The following VPS13C variants were observed in gnomAD, a reference collection of about 807,000 sequenced individuals.
VPS13C encodes vacuolar protein sorting 13 homolog C.
A neutral mutation model predicts 456.8 loss-of-function variants in VPS13C; 358 were observed. That is an observed-to-expected ratio of 0.78 (90% CI 0.72 to 0.86). The LOEUF is 0.86. VPS13C is among the 40% of genes least tolerant of loss of function. The pLI is 0.00. For missense variants in VPS13C, 4,818 were observed against 4,385.4 expected (o/e 1.10, Z -2.79); for synonymous variants, 1,578 against 1,486.7 (o/e 1.06, Z -1.41).
rs771170611 is a variant in VPS13C at position 61,854,476 on chromosome 15, C to A, written c.11243G>T (p.Arg3748Ile). 1.2e-6 allele frequency: 2 copies of A among 1,614,144 alleles called. No individual in the cohort carries two copies. The highest frequency in any genetic ancestry group is 1.7e-6 in the Non-Finnish European group (2 of 1,179,994). Reference protein sequence around the residue: ...LMKQSSVRLLRPQLPS With the variant: ...LMKQSSVRLLIPQLPS ...CTGTGATTAAGATGGCAATTGGGGTCTGAGAAGTCTCACTGATGACTGCTT... is the reference window on the plus strand; with the variant it reads ...CTGTGATTAAGATGGCAATTGGGGTATGAGAAGTCTCACTGATGACTGCTT... The change falls in exon 85 of 85, where the codon AGA becomes ATA. Residue 3748 changes from arginine to isoleucine, a missense_variant. Arg to Ile is a moderately conservative substitution (Grantham distance 97, BLOSUM62 -3). Transcript: ENST00000644861.
chr15:61,973,052 C>G (rs538096634), intron 26 of VPS13C, among the ~76,000 whole-genome samples: 1 of 152,134 alleles, frequency 6.6e-6, no homozygotes, highest in Non-Finnish European at 1.5e-5. Flanking sequence ...TTATCTACCA[C>G]GTATCAGGCT....
intron 3 of VPS13C, among the ~76,000 whole-genome samples, chr15:62,040,204 A>C (rs780381056): frequency 2.0e-5 from 3 of 152,162 alleles, no homozygotes; most frequent in South Asian, 2.1e-4. Context: ...TGGTTACCAG[A>C]AGCTAGGAAG....
At chr15:61,894,169 G>T (rs745449944) in intron 66 of VPS13C, among the ~76,000 whole-genome samples, 6 of 152,008 alleles carry the variant, frequency 3.9e-5, no homozygotes, top group Admixed American at 1.3e-4. Flanking sequence ...TTAGCTAGGC[G>T]TGGTGGCGTA....
At chr15:61,873,471 C>A in intron 77 of VPS13C, 62 bp from the exon 78 acceptor site, 1 of 1,459,248 alleles carries the variant, frequency 6.9e-7, no homozygotes, top group South Asian at 1.3e-5. Context: ...AACTCAACAG[C>A]AAGAAAACAA....
chr15:62,023,598 A>C, intron 7 of VPS13C, 78 bp from the exon 8 acceptor site: 1 of 1,187,652 alleles, frequency 8.4e-7, no homozygotes, highest in Non-Finnish European at 1.2e-6. Flanking sequence ...AAGGATAGCT[A>C]AGGTACTACT....
intron 67 of VPS13C, among the ~76,000 whole-genome samples, chr15:61,886,544 T>C (rs1365666946): frequency 6.6e-6 from 1 of 152,116 alleles, no homozygotes; most frequent in African/African-American, 2.4e-5. Flanking sequence ...ATGCTGTGAT[T>C]TGTAGTGCAC....
At chr15:61,885,876 A>G (rs1896227192) in intron 67 of VPS13C, among the ~76,000 whole-genome samples, 1 of 152,112 alleles carries the variant, frequency 6.6e-6, no homozygotes, top group Non-Finnish European at 1.5e-5. Flanking sequence ...TCCTTTAGTC[A>G]CTTCAGACTC....
chr15:61,947,195 T>C lies in VPS13C; in HGVS notation c.4874A>G (p.His1625Arg), dbSNP rs774240908. Residue 1625 changes from histidine (H) to arginine (R), a missense_variant and splice_region_variant, in exon 43 of 85, where the codon CAT becomes CGT. Around this residue, in one of 3 missense-constraint regions of VPS13C, gnomAD observed 4,552 missense variants for 4,130.6 expected, o/e 1.10. Coordinates refer to ENST00000644861, the MANE Select transcript of VPS13C (RefSeq NM_020821.3). ...QKCNIADIKIHGMDASISVKP... is the reference protein window; with the variant it reads ...QKCNIADIKIRGMDASISVKP... Reference sequence around the variant, plus strand: ...TACAACAAGAAGTAACTACTTACCATGTATTTTAATATCTGCAATGTTACA... The same window carrying C: ...TACAACAAGAAGTAACTACTTACCACGTATTTTAATATCTGCAATGTTACA... 50 of 1,556,416 alleles carry C rather than the reference T, an allele frequency of 3.2e-5. No homozygotes were observed. The South Asian group carries it at 5.0e-4, about 16-fold the overall frequency.
At chr15:62,032,044 CTTA>C (rs1249418838) in intron 5 of VPS13C, among the ~76,000 whole-genome samples, 1 of 151,676 alleles carries the variant, frequency 6.6e-6, no homozygotes, top group Non-Finnish European at 1.5e-5. Context: ...ATATATGTAA[CTTA>C]TTATGTAATT....
At chr15:61,962,336 A>G (rs1350852012) in intron 34 of VPS13C, 35 bp downstream of exon 34, 6 of 1,533,714 alleles carry the variant, frequency 3.9e-6, no homozygotes, top group Non-Finnish European at 5.3e-6. Flanking sequence ...AAATATTTCA[A>G]AGTTGAAAAA....
At chr15:61,927,391 A>C (rs2043890238) in intron 51 of VPS13C, 71 bp from the exon 52 acceptor site, 1 of 1,164,730 alleles carries the variant, frequency 8.6e-7, no homozygotes, top group East Asian at 2.4e-5. Context: ...TGTTATCTAC[A>C]AGTTGTTAAG....
At chr15:61,893,336 T>C (rs1336079298) in intron 66 of VPS13C, among the ~76,000 whole-genome samples, 1 of 152,168 alleles carries the variant, frequency 6.6e-6, no homozygotes, top group Non-Finnish European at 1.5e-5. Flanking sequence ...ATACTCAAAG[T>C]GTTGAAGGGG....
chr15:61,920,417 AAACT>A, intron 56 of VPS13C, 77 bp downstream of exon 56: 1 of 1,494,526 alleles, frequency 6.7e-7, no homozygotes, highest in Non-Finnish European at 8.9e-7. Flanking sequence ...CATTTTTTGG[AAACT>A]AATTTTGATG....
intron 1 of VPS13C, among the ~76,000 whole-genome samples, chr15:62,049,224 T>C (rs1356716730): frequency 3.3e-5 from 5 of 152,252 alleles, no homozygotes. Flanking sequence ...TTCTAGGGTT[T>C]TTATGGTTTT....
chr15:61,878,830 C>T, intron 73 of VPS13C, 84 bp from the exon 74 acceptor site: 2 of 1,414,930 alleles, frequency 1.4e-6, no homozygotes, highest in Non-Finnish European at 1.9e-6. Context: ...AGAAACAAAC[C>T]AAAAAAAGTC....
At chr15:62,055,477 G>C (rs1008551869) in intron 1 of VPS13C, among the ~76,000 whole-genome samples, 1 of 149,134 alleles carries the variant, frequency 6.7e-6, no homozygotes, top group Admixed American at 6.8e-5. Context: ...TCCTGACCTC[G>C]TGATCTGCCT....
At chr15:62,057,470 T>C (rs1267162043) in intron 1 of VPS13C, among the ~76,000 whole-genome samples, 2 of 152,202 alleles carry the variant, frequency 1.3e-5, no homozygotes, top group Non-Finnish European at 2.9e-5. Context: ...ATTAGGGTTA[T>C]CAACAACAGA....
rs758316353 is a variant in VPS13C at position 61,867,884 on chromosome 15, G to C, written c.10863+775C>G. 41 of 1,601,546 alleles carry C rather than the reference G, an allele frequency of 2.6e-5. No homozygotes were observed. The highest frequency in any genetic ancestry group is 3.2e-5 in the Non-Finnish European group (38 of 1,174,232). ...GTCAATTAACACCACAGTTTGTTTT[G>C]ATTTTTAAGGATGAAATCAAGTAGT... On this transcript the variant is annotated intron_variant, in intron 81 of 84. Transcript: ENST00000644861. This position sits in a 1 kb window ranked among gnomAD's most constrained non-coding sequence, Gnocchi z 5.0.
chr15:61,861,346 T>C (rs1210665121), intron 82 of VPS13C, among the ~76,000 whole-genome samples: 1 of 152,196 alleles, frequency 6.6e-6, no homozygotes, highest in Non-Finnish European at 1.5e-5. Context: ...TGTTTTAATA[T>C]ATAAAATTTT....
Sources: allele counts gnomAD v4.1 joint callset (sites outside exome capture counted in the v4.1 genomes callset), GRCh38; gene constraint gnomAD v4.1.1; regional missense constraint gnomAD v4.1.1; non-coding constraint Gnocchi (gnomAD v3.1); transcripts MANE v1.5; gene names NCBI Gene and HGNC (gene_info 2026-07-23, HGNC 2026-07-21).